The following ZNF503 variants were observed in gnomAD, a reference collection of about 807,000 sequenced individuals.
The protein encoded by ZNF503 is zinc finger protein 503, also known as NocA-like zinc finger 2.
ZNF503 carries 15 observed loss-of-function variants against 34.4 expected under a neutral mutation model. The ratio of observed to expected loss-of-function variants is 0.44; its 90% CI spans 0.29 to 0.67. ZNF503 has a LOEUF of 0.67. Ranked by LOEUF, ZNF503 falls within the 30% of genes least tolerant of loss-of-function variation. ZNF503 has a pLI of 0.13. For synonymous variants in ZNF503, 580 were observed against 456.8 expected, an observed-to-expected ratio of 1.27 and a Z score of -3.44; for missense variants, 1,007 against 926.8, an observed-to-expected ratio of 1.09 and a Z score of -1.12.
chr10:75,321,690 G>A, the ZNF503 span, among the ~76,000 whole-genome samples: 113 of 152,334 alleles, frequency 7.4e-4, 1 homozygote, highest in African/African-American at 2.6e-3. Flanking sequence ...TGGGAGTGAT[G>A]ATTTAGTGTA....
the ZNF503 span, among the ~76,000 whole-genome samples, chr10:75,387,525 G>T: frequency 1.2e-4 from 18 of 152,178 alleles, no homozygotes; most frequent in Admixed American, 1.2e-3. Flanking sequence ...CTCACTAAAT[G>T]GTATCGATAA....
At chr10:75,322,076 C>A in the ZNF503 span, among the ~76,000 whole-genome samples, 1 of 151,880 alleles carries the variant, frequency 6.6e-6, no homozygotes, top group African/African-American at 2.4e-5. Context: ...TCATTCTATG[C>A]AAGCACCTTG....
Position 75,401,654 on chromosome 10 carries a change from C to T in ZNF503, c.-235G>A, listed in dbSNP as rs563598299. The T allele has an allele frequency of 7.8e-6, 4 of 515,766 alleles. No individual in the cohort carries two copies. The highest frequency in any genetic ancestry group is 4.1e-5 in the African/African-American group (2 of 48,564). The allele number at this position is 515,766 out of a possible 1,614,324, so 31.9% of individuals were successfully genotyped here. ...GGAGCCGGCTGGACTGCGGGAGTGC[C>T]GGGCGGCTCGCGGTGTCCGCCTCGG... On this transcript the variant is annotated 5_prime_UTR_variant, in exon 1 of 2. Transcript: ENST00000372524.
the ZNF503 span, among the ~76,000 whole-genome samples, chr10:75,294,597 C>T: frequency 5.9e-5 from 9 of 152,246 alleles, no homozygotes; most frequent in African/African-American, 2.2e-4. Flanking sequence ...CCTCACAGAA[C>T]GGACGTGGCC....
chr10:75,354,052 G>A, the ZNF503 span, among the ~76,000 whole-genome samples: 1 of 152,228 alleles, frequency 6.6e-6, no homozygotes, highest in Non-Finnish European at 1.5e-5. Flanking sequence ...TCAGGAGTCT[G>A]TGCTAGGAAG....
chr10:75,362,591 A>G, the ZNF503 span, among the ~76,000 whole-genome samples: 1 of 152,222 alleles, frequency 6.6e-6, no homozygotes, highest in African/African-American at 2.4e-5. Context: ...ATGTATGGCT[A>G]TATTATGGGA....
the ZNF503 span, among the ~76,000 whole-genome samples, chr10:75,296,981 G>T: frequency 2.0e-5 from 3 of 152,264 alleles, no homozygotes; most frequent in Non-Finnish European, 2.9e-5. Context: ...GCTGGGAATA[G>T]GTGAGCCTCT....
At chr10:75,312,277 A>G in the ZNF503 span, among the ~76,000 whole-genome samples, 6 of 152,306 alleles carry the variant, frequency 3.9e-5, no homozygotes, top group African/African-American at 1.4e-4. Context: ...ATAGGATATA[A>G]AAGGAAAAAA....
At chr10:75,304,958 G>A in the ZNF503 span, among the ~76,000 whole-genome samples, 1 of 152,000 alleles carries the variant, frequency 6.6e-6, no homozygotes, top group African/African-American at 2.4e-5. Context: ...GGAACTATGA[G>A]GGGAAAAAAG....
the ZNF503 span, among the ~76,000 whole-genome samples, chr10:75,328,376 C>T: frequency 6.6e-6 from 1 of 152,182 alleles, no homozygotes; most frequent in African/African-American, 2.4e-5. Context: ...GTGTTCTTGG[C>T]ACCTGTGTTG....
the ZNF503 span, among the ~76,000 whole-genome samples, chr10:75,373,117 T>A: frequency 1.3e-5 from 2 of 152,242 alleles, no homozygotes; most frequent in African/African-American, 4.8e-5. Flanking sequence ...GTGCACGTAT[T>A]CGCCATCTTC....
At chr10:75,397,377 T>C (rs993304170), downstream of ZNF503, among the ~76,000 whole-genome samples, 6 of 152,052 alleles carry the variant, frequency 3.9e-5, no homozygotes, top group African/African-American at 1.4e-4. Context: ...CGCCTCCCAG[T>C]CTATTCGGCT....
Position 75,399,945 on chromosome 10 carries a change from G to A in ZNF503, c.745C>T (p.Pro249Ser). The A allele has an allele frequency of 1.2e-6, 2 of 1,606,214 alleles. No homozygotes were observed. Among genetic ancestry groups the A allele is most frequent in the Non-Finnish European group, 1.7e-6 (2 of 1,179,412 alleles). ...TCTTTCTTGTCGTCCTTGCCCTCCGGGGCACCCCCGGCCGAGGACAGCATA... is the reference window on the plus strand; with the variant it reads ...TCTTTCTTGTCGTCCTTGCCCTCCGAGGCACCCCCGGCCGAGGACAGCATA... ...GGMLSSAGGA[P>S]EGKDDKKDTD... Residue 249 changes from proline (P) to serine (S), a missense_variant, in exon 2 of 2, where the codon CCG (proline) becomes TCG (serine). Physicochemically the swap from Pro to Ser is moderately conservative, Grantham distance 74 (BLOSUM62 -1). Coordinates refer to ENST00000372524, the MANE Select transcript of ZNF503 (RefSeq NM_032772.6).
At chr10:75,321,946 T>A in the ZNF503 span, among the ~76,000 whole-genome samples, 1 of 152,192 alleles carries the variant, frequency 6.6e-6, no homozygotes, top group African/African-American at 2.4e-5. Flanking sequence ...ATTTTTCTTG[T>A]TGTTCTTCTA....
chr10:75,334,634 T>G, the ZNF503 span, among the ~76,000 whole-genome samples: 5 of 152,206 alleles, frequency 3.3e-5, no homozygotes, highest in Non-Finnish European at 7.3e-5. Context: ...AATGGCTGAT[T>G]TATTTATATA....
the ZNF503 span, among the ~76,000 whole-genome samples, chr10:75,331,900 T>A: frequency 1.3e-5 from 2 of 152,174 alleles, no homozygotes; most frequent in African/African-American, 4.8e-5. Flanking sequence ...GTTGAATTGA[T>A]CCCTTTATCC....
chr10:75,401,830 A>C, upstream of ZNF503: 2 of 198,978 alleles, frequency 1.0e-5, no homozygotes, highest in Admixed American at 6.4e-5. Flanking sequence ...CCGCCTTCCA[A>C]TCAAATGGGA....
chr10:75,398,847 C>T lies in ZNF503; in HGVS notation c.1843G>A (p.Ala615Thr). ...GTGGCGGCGGGCACCGGCACGGGGGCGCCAGGCGTGGGAAGCGGGCTCTTG... is the reference window on the plus strand; with the variant it reads ...GTGGCGGCGGGCACCGGCACGGGGGTGCCAGGCGTGGGAAGCGGGCTCTTG... ...YSKSPLPTPG[A>T]PVPVPAATGP... The change falls in exon 2 of 2, where the codon GCC (alanine) becomes ACC (threonine). Residue 615 changes from alanine (A) to threonine (T), a missense_variant. Coordinates refer to ENST00000372524, the MANE Select transcript of ZNF503 (RefSeq NM_032772.6). The T allele has an allele frequency of 2.0e-6, 3 of 1,503,732 alleles. No homozygotes were observed. The highest frequency in any genetic ancestry group is 2.7e-6 in the Non-Finnish European group (3 of 1,132,068). 93.1% of individuals were successfully genotyped at this position (1,503,732 alleles called of 1,614,324 possible).
the ZNF503 span, among the ~76,000 whole-genome samples, chr10:75,377,593 A>G: frequency 1.3e-5 from 2 of 152,076 alleles, no homozygotes; most frequent in Non-Finnish European, 2.9e-5. Flanking sequence ...GCATCAAGAG[A>G]GGTGCCTCTA....
Sources: allele counts gnomAD v4.1 joint callset (sites outside exome capture counted in the v4.1 genomes callset), GRCh38; gene constraint gnomAD v4.1.1; transcripts MANE v1.5; gene names NCBI Gene and HGNC (gene_info 2026-07-23, HGNC 2026-07-21).